The following PAK2 variants were observed in gnomAD, a reference collection of about 807,000 sequenced individuals.
The protein encoded by PAK2 is p21 (RAC1) activated kinase 2.
PAK2 carries 21 observed loss-of-function variants against 65.9 expected under a neutral mutation model. That is an observed-to-expected ratio of 0.32 (90% CI 0.23 to 0.46). The LOEUF is 0.46. Ranked by LOEUF, PAK2 falls within the 20% of genes least tolerant of loss-of-function variation. PAK2 has a pLI of 1.00. For missense variants in PAK2, 324 were observed against 642.6 expected (o/e 0.50, Z 5.36); for synonymous variants, 204 against 219.7 (o/e 0.93, Z 0.63).
chr3:196,764,813 C>T (rs1290745476), intron 1 of PAK2, among the ~76,000 whole-genome samples: 12 of 150,964 alleles, frequency 7.9e-5, no homozygotes, highest in East Asian at 3.9e-4. Flanking sequence ...GTCACTGCAC[C>T]GACCCCAAAT....
In PAK2 at chr3:196,778,910, G is replaced by C. The variant is rs138764482; in HGVS notation, c.-21-3716G>C. Among the ~76,000 whole-genome samples, 387 of 152,366 alleles carry C rather than the reference G, an allele frequency of 2.5e-3. 2 individuals are homozygous for C. In the Middle Eastern group the frequency reaches 0.031, roughly 12 times the overall value. On this transcript the variant is annotated intron_variant, in intron 1 of 14. Coordinates refer to ENST00000327134, the MANE Select transcript of PAK2 (RefSeq NM_002577.4). ...GGGGGAAGAATACCACAGAGGTGAA[G>C]TGTGCGTCCCATCACATTAGATTAG...
intron 13 of PAK2, among the ~76,000 whole-genome samples, chr3:196,821,615 G>A (rs1408147955): frequency 8.5e-5 from 13 of 152,142 alleles, no homozygotes; most frequent in South Asian, 4.1e-4. Context: ...CCCAGGAGGC[G>A]GAGGTTGCAG....
At chr3:196,794,035 G>A (rs923639175) in intron 2 of PAK2, among the ~76,000 whole-genome samples, 73 of 152,138 alleles carry the variant, frequency 4.8e-4, no homozygotes, top group Non-Finnish European at 1.0e-4. Context: ...GGAGGCTGAG[G>A]CAGGAGAATC....
At chr3:196,803,224 A>G in intron 4 of PAK2, 60 bp downstream of exon 4, 1 of 1,319,014 alleles carries the variant, frequency 7.6e-7, no homozygotes, top group East Asian at 2.4e-5. Context: ...CTAGATAAAA[A>G]GATTACTCCT....
At chr3:196,787,588 A>G (rs569789849) in intron 2 of PAK2, among the ~76,000 whole-genome samples, 279 of 152,154 alleles carry the variant, frequency 1.8e-3, no homozygotes, top group Non-Finnish European at 3.7e-3. Flanking sequence ...CAGAAAAAAA[A>G]AAAAAAAAAG....
intron 10 of PAK2, among the ~76,000 whole-genome samples, chr3:196,813,874 C>G (rs1320498158): frequency 6.6e-6 from 1 of 152,026 alleles, no homozygotes. Context: ...TGCTTGAACC[C>G]AAGAGGTGGA....
chr3:196,819,156 G>C (rs1341722707), intron 12 of PAK2, among the ~76,000 whole-genome samples: 1 of 152,086 alleles, frequency 6.6e-6, no homozygotes, highest in Admixed American at 6.6e-5. Flanking sequence ...TTTAAGATGA[G>C]GGAGGCCGGG....
intron 2 of PAK2, among the ~76,000 whole-genome samples, chr3:196,795,937 G>A (rs549431841): frequency 6.6e-6 from 1 of 152,306 alleles, no homozygotes; most frequent in Non-Finnish European, 1.5e-5. Flanking sequence ...GTGGTGCGGG[G>A]GAATGGTTTC....
intron 1 of PAK2, among the ~76,000 whole-genome samples, chr3:196,765,500 A>G (rs912142789): frequency 6.6e-6 from 1 of 152,186 alleles, no homozygotes; most frequent in African/African-American, 2.4e-5. Flanking sequence ...CCAGCTGTAT[A>G]TAAGAATTCT....
At chr3:196,754,340 T>C (rs1354645048) in intron 1 of PAK2, among the ~76,000 whole-genome samples, 1 of 152,226 alleles carries the variant, frequency 6.6e-6, no homozygotes, top group African/African-American at 2.4e-5. Flanking sequence ...GTAACTGTTA[T>C]GTCCTGTCTC....
chr3:196,745,165 G>T (rs1346996671), intron 1 of PAK2, among the ~76,000 whole-genome samples: 1 of 149,914 alleles, frequency 6.7e-6, no homozygotes, highest in Non-Finnish European at 1.5e-5. Flanking sequence ...ACTCAGGCTG[G>T]AGTGCAGTGT....
chr3:196,778,706 A>G (rs547371127), intron 1 of PAK2, among the ~76,000 whole-genome samples: 2 of 152,298 alleles, frequency 1.3e-5, no homozygotes, highest in South Asian at 4.1e-4. Flanking sequence ...CCAGGATCCA[A>G]TCCAGGGTGT....
chr3:196,778,422 G>A (rs1714604158), intron 1 of PAK2, among the ~76,000 whole-genome samples: 1 of 152,216 alleles, frequency 6.6e-6, no homozygotes, highest in South Asian at 2.1e-4. Context: ...GAATTGCGGG[G>A]TCGCATAGTA....
chr3:196,822,269 A>C (rs138713189), intron 13 of PAK2, among the ~76,000 whole-genome samples: 14 of 152,330 alleles, frequency 9.2e-5, no homozygotes, highest in Non-Finnish European at 1.6e-4. Context: ...TCCTGCTCTT[A>C]CAGAACTTGT....
At chr3:196,760,852 G>A (rs1713936208) in intron 1 of PAK2, among the ~76,000 whole-genome samples, 1 of 152,186 alleles carries the variant, frequency 6.6e-6, no homozygotes, top group East Asian at 1.9e-4. Context: ...TGGTGCCTCC[G>A]TGTTAAAAGC....
rs1472892229 is a variant in PAK2, at chr3:196,831,661, A to G, written c.*3256A>G. The G allele has an allele frequency of 6.6e-6, 1 of 152,248 alleles. No homozygotes were observed. Among genetic ancestry groups the G allele is most frequent in the South Asian group, 2.1e-4 (1 of 4,832 alleles). 9.4% of individuals were successfully genotyped at this position (152,248 alleles called of 1,614,324 possible). A position where few individuals can be genotyped will look rare whatever the true frequency, so the allele number is the denominator to read the frequency against. ...GGCTCACTTAAATACATGTTTGTAT[A>G]TACTGTATTCTAGCCAGAATAATTT... On this transcript the variant is annotated 3_prime_UTR_variant, in exon 15 of 15. Coordinates refer to ENST00000327134, the MANE Select transcript of PAK2 (RefSeq NM_002577.4).
chr3:196,787,268 G>A (rs958494389), intron 2 of PAK2, among the ~76,000 whole-genome samples: 13 of 152,000 alleles, frequency 8.6e-5, no homozygotes, highest in Non-Finnish European at 1.5e-4. Flanking sequence ...AAAAACCTGT[G>A]GCTACTTTGA....
chr3:196,762,058 G>A (rs1206866669), intron 1 of PAK2, among the ~76,000 whole-genome samples: 19 of 141,846 alleles, frequency 1.3e-4, no homozygotes, highest in Non-Finnish European at 2.3e-4. Flanking sequence ...CCTCCCAGAC[G>A]GGGTCTTGGC....
At chr3:196,762,671 C>T (rs1226981598) in intron 1 of PAK2, among the ~76,000 whole-genome samples, 2 of 150,736 alleles carry the variant, frequency 1.3e-5, no homozygotes, top group African/African-American at 4.9e-5. Context: ...GAGAGGGAGA[C>T]CGTGGGGAGA....
Sources: gnomAD v4.1 joint callset for allele counts (sites outside exome capture counted in the v4.1 genomes callset) on GRCh38, gnomAD v4.1.1 for gene constraint, MANE v1.5 for transcripts, NCBI Gene and HGNC (gene_info 2026-07-23, HGNC 2026-07-21) for gene names.